The following PCDHA12 variants were observed in gnomAD, a reference collection of about 807,000 sequenced individuals.
The protein encoded by PCDHA12 is protocadherin alpha-12.
Under a neutral mutation model 60.0 loss-of-function variants are expected in PCDHA12, and 44 were observed. The observed-to-expected ratio is 0.73, with a 90% CI of 0.58 to 0.94. PCDHA12 has a LOEUF of 0.94. Among genes scored for constraint, PCDHA12 ranks in the 40% least tolerant of loss-of-function variants. The pLI, the probability that PCDHA12 is intolerant of heterozygous loss-of-function variation, is 0.00. For missense variants in PCDHA12, 1,276 were observed against 1,239.7 expected, an observed-to-expected ratio of 1.03 and a Z score of -0.44; for synonymous variants, 569 against 553.0, an observed-to-expected ratio of 1.03 and a Z score of -0.40.
chr5:140,954,057 A>C (rs1554221238), intron 1 of PCDHA12, among the ~76,000 whole-genome samples: 1 of 152,112 alleles, frequency 6.6e-6, no homozygotes, highest in Admixed American at 6.5e-5. Flanking sequence ...TTCCTGCATT[A>C]TTATGCTGAG....
chr5:140,902,750 A>C (rs1367370245), intron 1 of PCDHA12, among the ~76,000 whole-genome samples: 1 of 151,888 alleles, frequency 6.6e-6, no homozygotes. Flanking sequence ...AATCCATTAT[A>C]TCATTCTTAT....
In PCDHA12 at chr5:140,875,600, C is replaced by T; in HGVS notation, c.128C>T (p.Thr43Ile). The change falls in exon 1 of 4, where the codon ACC (threonine) becomes ATC (isoleucine). Residue 43 changes from threonine (T) to isoleucine (I), a missense_variant. Transcript: ENST00000398631. ...GTCTACGAGGAGGCCAAACACGGCA[C>T]CTTCGTGGGCCGCATCGCTCAGGAC... The part of the protein sequence containing the change: ...YSVYEEAKHG[T>I]FVGRIAQDLG... The T allele has an allele frequency of 6.2e-7, 1 of 1,613,884 alleles. No individual in the cohort carries two copies. Among genetic ancestry groups the T allele is most frequent in the Non-Finnish European group, 8.5e-7 (1 of 1,180,038 alleles).
intron 1 of PCDHA12, among the ~76,000 whole-genome samples, chr5:140,970,633 A>G (rs2096420540): frequency 6.6e-6 from 1 of 152,210 alleles, no homozygotes; most frequent in Admixed American, 6.5e-5. Context: ...AAAATTTTGT[A>G]CCATAAATAG....
At chr5:140,967,921 C>G (rs781932025) in intron 1 of PCDHA12, 1 of 1,614,172 alleles carries the variant, frequency 6.2e-7, no homozygotes, top group East Asian at 2.2e-5. Flanking sequence ...CCATTGTGGC[C>G]GTTCTCAGTG....
chr5:140,875,603 T>C lies in PCDHA12; in HGVS notation c.131T>C (p.Phe44Ser), dbSNP rs2055641899. The change falls in exon 1 of 4, where the codon TTC (phenylalanine) becomes TCC (serine). Residue 44 changes from phenylalanine (F) to serine (S), a missense_variant. By Grantham distance (155) the Phe-to-Ser change is radical. Transcript: ENST00000398631. Reference protein sequence around the residue: ...SVYEEAKHGTFVGRIAQDLGL... With the variant: ...SVYEEAKHGTSVGRIAQDLGL... The stretch of plus-strand genomic sequence containing the variant: ...TACGAGGAGGCCAAACACGGCACCT[T>C]CGTGGGCCGCATCGCTCAGGACCTG... 6.2e-7 allele frequency: 1 copy of C among 1,613,724 alleles called. No individual in the cohort carries two copies. Among genetic ancestry groups the C allele is most frequent in the Admixed American group, 1.7e-5 (1 of 60,002 alleles).
chr5:140,924,050 A>T (rs1554201725), intron 1 of PCDHA12, among the ~76,000 whole-genome samples: 1 of 152,250 alleles, frequency 6.6e-6, no homozygotes, highest in African/African-American at 2.4e-5. Flanking sequence ...AAAGTTCGGT[A>T]CATCTTTACA....
chr5:140,999,527 C>T (rs578180518), intron 3 of PCDHA12, among the ~76,000 whole-genome samples: 27 of 152,206 alleles, frequency 1.8e-4, no homozygotes, highest in African/African-American at 5.8e-4. Flanking sequence ...TTGTTACCCC[C>T]TGGATATGAC....
In PCDHA12 at chr5:140,876,830, C is replaced by T. The variant is rs199585768; in HGVS notation, c.1358C>T (p.Pro453Leu). The T allele has an allele frequency of 3.4e-4, 552 of 1,614,204 alleles. 1 individual carries two copies. Among genetic ancestry groups the T allele is most frequent in the South Asian group, 1.5e-3 (138 of 91,090 alleles). Residue 453 changes from proline to leucine, a missense_variant, in exon 1 of 4, where the codon CCT (proline) becomes CTT (leucine). Physicochemically the swap from Pro to Leu is moderately conservative, Grantham distance 98 (BLOSUM62 -3). Coordinates refer to ENST00000398631, the MANE Select transcript of PCDHA12 (RefSeq NM_018903.4). The part of the protein sequence containing the change: ...VEVADVNDNA[P>L]AFAQPEYTVF... ...GTGGCCGACGTGAACGACAATGCGC[C>T]TGCGTTCGCGCAGCCCGAGTACACA...
In PCDHA12 at chr5:140,875,968, T is replaced by C. The variant is rs1554168125; in HGVS notation, c.496T>C (p.Ser166Pro). 2.5e-6 allele frequency: 4 copies of C among 1,614,024 alleles called. No individual in the cohort carries two copies. Among genetic ancestry groups the C allele is most frequent in the Non-Finnish European group, 3.4e-6 (4 of 1,179,934 alleles). Residue 166 changes from serine (S) to proline (P), a missense_variant, in exon 1 of 4, where the codon TCT (serine) becomes CCT (proline). Physicochemically the swap from Ser to Pro is moderately conservative, Grantham distance 74. Transcript: ENST00000398631. ...TTCTGATGCGGATATCGGCGTAAAC[T>C]CTCTTTTGACCTATGCGTTAAGTCT... ...GASDADIGVN[S>P]LLTYALSLNE...
chr5:140,882,280 C>T lies in PCDHA12; in HGVS notation c.2367+4441C>T, dbSNP rs531486554. On this transcript the variant is annotated intron_variant, in intron 1 of 3. Transcript: ENST00000398631. ...TTTTGGAGTGTACCATGCTGTCTTCCTGGCAAGGAGGCCCAAGACCGCGGC... is the reference window on the plus strand; with the variant it reads ...TTTTGGAGTGTACCATGCTGTCTTCTTGGCAAGGAGGCCCAAGACCGCGGC... 1.0e-4 allele frequency: 164 copies of T among 1,612,564 alleles called. 4 individuals are homozygous for T. The South Asian group carries it at 1.7e-3, about 16-fold the overall frequency.
At position 140,877,134 on chromosome 5, in the gene PCDHA12, C is replaced by A. The variant is rs1339173132; in HGVS notation, c.1662C>A (p.Phe554Leu). 17 of 1,613,712 alleles carry A rather than the reference C, an allele frequency of 1.1e-5. No homozygotes were observed. Among genetic ancestry groups the A allele is most frequent in the Admixed American group, 6.7e-5 (4 of 60,000 alleles). ...PLGSNVTLQV[F>L]VLDENDNAPA... ...GCAGCAACGTGACGCTGCAGGTGTTCGTGCTGGACGAGAACGACAACGCGC... is the reference window on the plus strand; with the variant it reads ...GCAGCAACGTGACGCTGCAGGTGTTAGTGCTGGACGAGAACGACAACGCGC... Residue 554 changes from phenylalanine to leucine, a missense_variant, in exon 1 of 4, where the codon TTC becomes TTA. By Grantham distance (22) the Phe-to-Leu change is conservative. Transcript: ENST00000398631.
At chr5:140,927,146 A>T (rs2083897470) in intron 1 of PCDHA12, 1 of 1,614,156 alleles carries the variant, frequency 6.2e-7, no homozygotes, top group East Asian at 2.2e-5. Context: ...GACCGCGAAC[A>T]GCTGTGCAGG....
rs1458420006 is a variant in PCDHA12 at position 140,928,100 on chromosome 5, T to A, written c.2367+50261T>A. On this transcript the variant is annotated intron_variant, in intron 1 of 3. Transcript: ENST00000398631. Reference sequence around the variant, plus strand: ...TACAGCCTGCTGATTGATGGGCCCCTGGACCGGGAGCAGATCAGTGAATAC... The same window carrying A: ...TACAGCCTGCTGATTGATGGGCCCCAGGACCGGGAGCAGATCAGTGAATAC... 2.3e-5 allele frequency: 37 copies of A among 1,614,090 alleles called. No individual in the cohort carries two copies. Among genetic ancestry groups the A allele is most frequent in the Non-Finnish European group, 2.9e-5 (34 of 1,180,048 alleles).
At chr5:140,994,726 G>A (rs774837274) in intron 3 of PCDHA12, among the ~76,000 whole-genome samples, 1 of 151,958 alleles carries the variant, frequency 6.6e-6, no homozygotes, top group Non-Finnish European at 1.5e-5. Flanking sequence ...TAAAATACTG[G>A]GTATTGCAGG....
At chr5:140,878,400 A>C (rs1190004888) in intron 1 of PCDHA12, among the ~76,000 whole-genome samples, 2 of 152,218 alleles carry the variant, frequency 1.3e-5, no homozygotes, top group Non-Finnish European at 2.9e-5. Flanking sequence ...TGCTCACAAA[A>C]TATCTTCTTT....
intron 1 of PCDHA12, among the ~76,000 whole-genome samples, chr5:140,886,642 A>T (rs1412113366): frequency 6.6e-6 from 1 of 152,048 alleles, no homozygotes; most frequent in African/African-American, 2.4e-5. Flanking sequence ...CCTGGCCAAC[A>T]TGGTGAAACC....
intron 3 of PCDHA12, among the ~76,000 whole-genome samples, chr5:140,996,245 G>A (rs2097718426): frequency 6.6e-6 from 1 of 152,220 alleles, no homozygotes; most frequent in South Asian, 2.1e-4. Context: ...AGGCTGAGAA[G>A]TGACAGCAAC....
intron 1 of PCDHA12, among the ~76,000 whole-genome samples, chr5:140,941,198 TC>T (rs2092794663): frequency 1.7e-5 from 2 of 119,812 alleles, no homozygotes; most frequent in African/African-American, 6.9e-5. Context: ...TTTTTTTCTT[TC>T]TTCCTTTCTT....
Position 140,877,874 on chromosome 5 carries a change from C to T in PCDHA12, c.2367+35C>T, listed in dbSNP as rs782471585. The T allele has an allele frequency of 2.7e-6, 4 of 1,477,338 alleles. No homozygotes were observed. The African/African-American group carries it at 5.7e-5, about 21-fold the overall frequency. The allele number at this position is 1,477,338 out of a possible 1,614,324, so 91.5% of individuals were successfully genotyped here. ...TAATATTATTTAGATATATTTGTTT[C>T]CTTGAAGAACTTCCGTTTAGGTTAT... is the stretch of plus-strand genomic sequence containing the variant. On this transcript the variant is annotated intron_variant, in intron 1 of 3. Transcript: ENST00000398631.
Sources: gnomAD v4.1 joint callset for allele counts (sites outside exome capture counted in the v4.1 genomes callset) on GRCh38, gnomAD v4.1.1 for gene constraint, MANE v1.5 for transcripts, NCBI Gene and HGNC (gene_info 2026-07-23, HGNC 2026-07-21) for gene names.